CNTN4: variants seen among roughly 807,000 people sequenced by gnomAD.
The protein encoded by CNTN4 is contactin 4, also known as contactin-4.
A neutral mutation model predicts 122.5 loss-of-function variants in CNTN4; 77 were observed. That is an observed-to-expected ratio of 0.63 (90% CI 0.52 to 0.76). The LOEUF is 0.76. Among genes scored for constraint, CNTN4 ranks in the 30% least tolerant of loss-of-function variants. The probability of loss-of-function intolerance (pLI) is 0.00; values close to 1 mark genes in which losing one functional copy is unlikely to be tolerated. For synonymous variants in CNTN4, 512 were observed against 447.0 expected (o/e 1.15, Z -1.83); for missense variants, 1,256 against 1,259.1 (o/e 1.00, Z 0.04).
intron 6 of CNTN4, among the ~76,000 whole-genome samples, chr3:2,795,955 G>C (rs935065319): frequency 6.6e-5 from 10 of 152,162 alleles, no homozygotes; most frequent in African/African-American, 2.4e-4. Flanking sequence ...ATGTGTTCAT[G>C]ATTGCAGAAG....
At chr3:2,189,138 G>C (rs1444966359) in intron 2 of CNTN4, among the ~76,000 whole-genome samples, 1 of 152,090 alleles carries the variant, frequency 6.6e-6, no homozygotes, top group Non-Finnish European at 1.5e-5. Flanking sequence ...TGAAAATCCA[G>C]TTTCTTTATG....
chr3:2,763,498 T>C (rs187526771), intron 6 of CNTN4, among the ~76,000 whole-genome samples: 72 of 152,320 alleles, frequency 4.7e-4, no homozygotes, highest in African/African-American at 1.6e-3. Flanking sequence ...TAAATCCCAT[T>C]TGTCAATTTT....
intron 2 of CNTN4, among the ~76,000 whole-genome samples, chr3:2,325,675 C>T (rs1405911628): frequency 6.6e-6 from 1 of 152,108 alleles, no homozygotes; most frequent in Non-Finnish European, 1.5e-5. Flanking sequence ...AGGAACTTAC[C>T]AGCGGTCACT....
At chr3:2,275,978 A>T (rs2041494524) in intron 2 of CNTN4, among the ~76,000 whole-genome samples, 1 of 151,760 alleles carries the variant, frequency 6.6e-6, no homozygotes, top group Non-Finnish European at 1.5e-5. Flanking sequence ...GATTTGAAAT[A>T]TCAGGTGAGT....
intron 3 of CNTN4, among the ~76,000 whole-genome samples, chr3:2,376,338 G>A (rs1200905199): frequency 6.6e-6 from 1 of 152,118 alleles, no homozygotes; most frequent in Non-Finnish European, 1.5e-5. Flanking sequence ...CCTAGTAAGT[G>A]CACAATAAAT....
At chr3:2,802,699 C>T (rs549827695) in intron 6 of CNTN4, among the ~76,000 whole-genome samples, 1 of 152,228 alleles carries the variant, frequency 6.6e-6, no homozygotes, top group South Asian at 2.1e-4. Flanking sequence ...GTTTAGCAGT[C>T]ACTAATTCAG....
At chr3:2,431,894 TAAAG>T (rs557164790) in intron 3 of CNTN4, among the ~76,000 whole-genome samples, 3,419 of 152,228 alleles carry the variant, frequency 0.022, 140 homozygotes, top group African/African-American at 0.07. Context: ...ATTGAAACAC[TAAAG>T]AGAGAGTTGG....
In CNTN4 at chr3:2,312,514, C is replaced by T. The variant is rs1007162441; in HGVS notation, c.-144-26664C>T. ...TTGTTACAAAGATCTATGAAAAATT[C>T]TTATCCCAGTGAGCCAGGAGAAACT... is the stretch of plus-strand genomic sequence containing the variant. On this transcript the variant is annotated intron_variant, in intron 2 of 24. Coordinates refer to ENST00000418658, the MANE Select transcript of CNTN4 (RefSeq NM_175607.3). Among the ~76,000 whole-genome samples the T allele has an allele frequency of 4.6e-5, 7 of 151,986 alleles. 1 individual carries two copies. The highest frequency in any genetic ancestry group is 1.2e-4 in the African/African-American group (5 of 41,398).
At chr3:2,291,780 C>T (rs751963068) in intron 2 of CNTN4, among the ~76,000 whole-genome samples, 31 of 151,986 alleles carry the variant, frequency 2.0e-4, no homozygotes, top group Middle Eastern at 3.2e-3. Context: ...GTTGTGCAGG[C>T]TAGAGGGCGA....
At chr3:2,448,449 G>A (rs962187841) in intron 3 of CNTN4, among the ~76,000 whole-genome samples, 1 of 152,130 alleles carries the variant, frequency 6.6e-6, no homozygotes, top group Admixed American at 6.5e-5. Flanking sequence ...GCAGTGATTG[G>A]GCTTCTCAAA....
intron 4 of CNTN4, among the ~76,000 whole-genome samples, chr3:2,583,568 G>C (rs186420890): frequency 6.6e-6 from 1 of 152,204 alleles, no homozygotes; most frequent in Admixed American, 6.5e-5. Context: ...AAAGATTTCA[G>C]ATAGTGGTTT....
intron 18 of CNTN4, among the ~76,000 whole-genome samples, chr3:3,038,246 A>T (rs1252401583): frequency 6.6e-6 from 1 of 152,094 alleles, no homozygotes; most frequent in African/African-American, 2.4e-5. Context: ...CCATAATTGA[A>T]TTAATTCCCC....
chr3:2,525,828 C>T (rs188990011), intron 3 of CNTN4, among the ~76,000 whole-genome samples: 10 of 152,180 alleles, frequency 6.6e-5, no homozygotes, highest in Admixed American at 2.0e-4. Flanking sequence ...ATTCAGTTTG[C>T]TTTGTAGTAT....
At position 2,778,022 on chromosome 3, in the gene CNTN4, G is replaced by A. The variant is rs560514991; in HGVS notation, c.358+32325G>A. Among the ~76,000 whole-genome samples, 598 of 151,692 alleles carry A rather than the reference G, an allele frequency of 3.9e-3. 6 individuals are homozygous for A. Among genetic ancestry groups the A allele is most frequent in the African/African-American group, 0.013 (552 of 41,296 alleles). On this transcript the variant is annotated intron_variant, in intron 6 of 24. Transcript: ENST00000418658. ...GAGGTCAGGAGATCGAGGCCATCCTGGCTAACACGGTGAAACCCCGTCTCT... is the reference window on the plus strand; with the variant it reads ...GAGGTCAGGAGATCGAGGCCATCCTAGCTAACACGGTGAAACCCCGTCTCT...
intron 10 of CNTN4, 136 bp downstream of exon 10, chr3:2,887,360 A>G (rs973063705): frequency 2.4e-6 from 2 of 816,984 alleles, no homozygotes; most frequent in African/African-American, 3.4e-5. Context: ...GGTTTGCTCC[A>G]TAATCAGCCC....
chr3:2,524,418 G>T (rs1445154318), intron 3 of CNTN4, among the ~76,000 whole-genome samples: 1 of 151,826 alleles, frequency 6.6e-6, no homozygotes, highest in African/African-American at 2.4e-5. Flanking sequence ...TAAATATTTT[G>T]ACTGTTGTGA....
intron 3 of CNTN4, among the ~76,000 whole-genome samples, chr3:2,462,653 G>A (rs914604219): frequency 2.6e-5 from 4 of 152,056 alleles, no homozygotes; most frequent in African/African-American, 9.7e-5. Flanking sequence ...AATAAAAAGA[G>A]GAATAAAAAT....
intron 2 of CNTN4, among the ~76,000 whole-genome samples, chr3:2,293,478 C>G (rs547262354): frequency 6.6e-6 from 1 of 152,322 alleles, no homozygotes; most frequent in East Asian, 1.9e-4. Context: ...TTACCACTTA[C>G]TAACTAATGA....
intron 4 of CNTN4, among the ~76,000 whole-genome samples, chr3:2,648,986 C>T (rs1490462810): frequency 3.3e-5 from 5 of 152,216 alleles, no homozygotes; most frequent in East Asian, 1.9e-4. Flanking sequence ...TCAACATTCT[C>T]TTAAGCGAAA....
Sources: allele counts gnomAD v4.1 joint callset (sites outside exome capture counted in the v4.1 genomes callset), GRCh38; gene constraint gnomAD v4.1.1; transcripts MANE v1.5; gene names NCBI Gene and HGNC (gene_info 2026-07-23, HGNC 2026-07-21).